The following ASAP2 variants were observed in gnomAD, a reference collection of about 807,000 sequenced individuals.
ASAP2 encodes ArfGAP with SH3 domain, ankyrin repeat and PH domain 2.
ASAP2 carries 45 observed loss-of-function variants against 131.4 expected under a neutral mutation model. That is an observed-to-expected ratio of 0.34 (90% CI 0.27 to 0.44). The LOEUF is 0.44. Ranked by LOEUF, ASAP2 falls within the 20% of genes least tolerant of loss-of-function variation. The pLI, the probability that ASAP2 is intolerant of heterozygous loss-of-function variation, is 1.00. For synonymous variants in ASAP2, 510 were observed against 503.0 expected (o/e 1.01, Z -0.19); for missense variants, 1,011 against 1,297.0 (o/e 0.78, Z 3.39).
chr2:9,279,099 T>G (rs1666952710), intron 1 of ASAP2, among the ~76,000 whole-genome samples: 1 of 152,186 alleles, frequency 6.6e-6, no homozygotes, highest in African/African-American at 2.4e-5. Context: ...GCCAACAAAC[T>G]TCTGCTTAGT....
intron 26 of ASAP2, 118 bp from the exon 27 acceptor site, chr2:9,401,156 G>A: frequency 7.5e-7 from 1 of 1,328,512 alleles, no homozygotes; most frequent in Non-Finnish European, 1.0e-6. Flanking sequence ...GGCATCTGCA[G>A]GCTTCTCAGG....
At chr2:9,367,297 T>C (rs1054462787) in intron 15 of ASAP2, among the ~76,000 whole-genome samples, 1 of 151,592 alleles carries the variant, frequency 6.6e-6, no homozygotes, top group Non-Finnish European at 1.5e-5. Flanking sequence ...CCTCCCAAAG[T>C]GGTAGGAATA....
chr2:9,324,355 C>T (rs1049004367), intron 6 of ASAP2, among the ~76,000 whole-genome samples: 1 of 152,184 alleles, frequency 6.6e-6, no homozygotes. Context: ...TCCATTTTGT[C>T]TAATGTTAGA....
chr2:9,360,355 C>A (rs996880503), intron 15 of ASAP2, among the ~76,000 whole-genome samples: 6 of 152,200 alleles, frequency 3.9e-5, no homozygotes, highest in African/African-American at 1.4e-4. Context: ...TTCAGTATGC[C>A]TAGGGTTATG....
rs547897677 is a variant in ASAP2, at chr2:9,379,053, G to A, written c.1942G>A (p.Glu648Lys). 5.8e-6 allele frequency: 9 copies of A among 1,553,152 alleles called. No individual in the cohort carries two copies. The East Asian group carries it at 7.3e-5, about 13-fold the overall frequency. The change falls in exon 19 of 28, where the codon GAG (glutamate) becomes AAG (lysine). Residue 648 changes from glutamate to lysine, a missense_variant. Physicochemically the swap from Glu to Lys is moderately conservative, Grantham distance 56. Around this residue, in one of 2 missense-constraint regions of ASAP2, gnomAD observed 652 missense variants for 698.9 expected, o/e 0.93. Transcript: ENST00000281419. ...GCTCCTGCGGGGGAAGGCCTCCATC[G>A]AGATAGGTGAGTGGGCCCGGGCCCC... is the stretch of plus-strand genomic sequence containing the variant. ...KLLLRGKASI[E>K]IANESGETPL...
In ASAP2 at chr2:9,281,768, G is replaced by A. The variant is rs76263433; in HGVS notation, c.199+2379G>A. ...GTAATGTGGATTGTGAGTGGTTATCGTTCTTAACCCTTTCCCAATTCATCT... is the reference window on the plus strand; with the variant it reads ...GTAATGTGGATTGTGAGTGGTTATCATTCTTAACCCTTTCCCAATTCATCT... On this transcript the variant is annotated intron_variant, in intron 2 of 27. Transcript: ENST00000281419. This position sits in a 1 kb window ranked among gnomAD's most constrained non-coding sequence, Gnocchi z 4.0. Among the ~76,000 whole-genome samples the A allele has an allele frequency of 1.6e-3, 241 of 152,228 alleles. No individual in the cohort carries two copies. Among genetic ancestry groups the A allele is most frequent in the African/African-American group, 5.4e-3 (223 of 41,534 alleles).
At chr2:9,227,073 C>T (rs1662825286) in intron 1 of ASAP2, among the ~76,000 whole-genome samples, 1 of 152,170 alleles carries the variant, frequency 6.6e-6, no homozygotes, top group African/African-American at 2.4e-5. Context: ...TATTTCAGAT[C>T]CTCCTCTCCT....
At chr2:9,385,412 G>T in intron 21 of ASAP2, 54 bp downstream of exon 21, 1 of 1,357,328 alleles carries the variant, frequency 7.4e-7, no homozygotes, top group South Asian at 1.2e-5. Context: ...ATCCAGAACA[G>T]TGTGGGTCCT....
chr2:9,274,776 C>T (rs571401059), intron 1 of ASAP2, among the ~76,000 whole-genome samples: 1 of 152,112 alleles, frequency 6.6e-6, no homozygotes, highest in Non-Finnish European at 1.5e-5. Flanking sequence ...TTACCTCTTC[C>T]ACCTACCTCA....
intron 2 of ASAP2, 93 bp from the exon 3 acceptor site, chr2:9,297,207 A>G: frequency 2.8e-6 from 4 of 1,450,216 alleles, no homozygotes; most frequent in Non-Finnish European, 3.8e-6. Context: ...TCTTCTGCTG[A>G]TGTGTTCAGT....
intron 1 of ASAP2, among the ~76,000 whole-genome samples, chr2:9,233,613 G>T (rs1418744219): frequency 1.3e-5 from 2 of 152,238 alleles, no homozygotes; most frequent in Non-Finnish European, 2.9e-5. Flanking sequence ...TTTGAAGCCA[G>T]CTGGACCTGG....
intron 1 of ASAP2, among the ~76,000 whole-genome samples, chr2:9,278,977 G>A (rs10192751): frequency 2.6e-5 from 4 of 152,148 alleles, no homozygotes; most frequent in Non-Finnish European, 5.9e-5. Flanking sequence ...CAAGGAGAAC[G>A]GAGGGTTCGG....
rs1298187638 is a variant in ASAP2 at position 9,391,166 on chromosome 2, C to T, written c.2488C>T (p.Pro830Ser). The T allele has an allele frequency of 6.2e-7, 1 of 1,614,142 alleles. No individual in the cohort carries two copies. Among genetic ancestry groups the T allele is most frequent in the Non-Finnish European group, 8.5e-7 (1 of 1,180,020 alleles). Residue 830 changes from proline (P) to serine (S), a missense_variant, in exon 23 of 28, where the codon CCG becomes TCG. Physicochemically the swap from Pro to Ser is moderately conservative, Grantham distance 74 (BLOSUM62 -1). Coordinates refer to ENST00000281419, the MANE Select transcript of ASAP2 (RefSeq NM_003887.3). Reference protein sequence around the residue: ...SSSDPPAVHPPLPPLRVTSTN... With the variant: ...SSSDPPAVHPSLPPLRVTSTN... ...GTCAGATCCGCCAGCTGTCCATCCA[C>T]CGCTGCCCCCTCTTCGCGTGACATC... is the stretch of plus-strand genomic sequence containing the variant.
At chr2:9,231,046 C>T (rs1338538960) in intron 1 of ASAP2, among the ~76,000 whole-genome samples, 5 of 152,172 alleles carry the variant, frequency 3.3e-5, no homozygotes, top group African/African-American at 4.8e-5. Flanking sequence ...GGCTGCTTTG[C>T]GGTTCTATGT....
rs556850636 is a variant in ASAP2 at position 9,244,580 on chromosome 2, C to T, written c.127-34737C>T. Among the ~76,000 whole-genome samples the T allele has an allele frequency of 2.0e-5, 3 of 152,302 alleles. No individual in the cohort carries two copies. In the East Asian group the frequency reaches 5.8e-4, roughly 29 times the overall value. ...GAAGAGCTTGACACAAACTTAAATA[C>T]CAAACTTAGTTCAGAAGCACTTCGC... On this transcript the variant is annotated intron_variant, in intron 1 of 27. Coordinates refer to ENST00000281419, the MANE Select transcript of ASAP2 (RefSeq NM_003887.3).
chr2:9,279,181 C>A (rs1225622524), intron 1 of ASAP2, 136 bp from the exon 2 acceptor site: 2 of 753,818 alleles, frequency 2.7e-6, no homozygotes, highest in Non-Finnish European at 4.6e-6. Flanking sequence ...AGGGACCTGG[C>A]AGAGGAGGCT....
At chr2:9,368,784 T>C (rs1673686724) in intron 16 of ASAP2, among the ~76,000 whole-genome samples, 1 of 152,060 alleles carries the variant, frequency 6.6e-6, no homozygotes, top group East Asian at 1.9e-4. Flanking sequence ...TCGCCACTGG[T>C]GGGTGGAAGA....
chr2:9,335,289 T>A, intron 9 of ASAP2, 110 bp downstream of exon 9: 1 of 882,132 alleles, frequency 1.1e-6, no homozygotes, highest in South Asian at 1.4e-5. Flanking sequence ...TCACTCGGGC[T>A]GTGTCAGGCA....
intron 11 of ASAP2, 107 bp from the exon 12 acceptor site, chr2:9,350,701 T>A: frequency 1.1e-6 from 1 of 906,000 alleles, no homozygotes; most frequent in Non-Finnish European, 1.6e-6. Flanking sequence ...CTTTGCAAAC[T>A]AGTGAAGAGC....
Sources: gnomAD v4.1 joint callset for allele counts (sites outside exome capture counted in the v4.1 genomes callset) on GRCh38, gnomAD v4.1.1 for gene constraint, gnomAD v4.1.1 regional missense constraint, Gnocchi (gnomAD v3.1) non-coding constraint, MANE v1.5 for transcripts, NCBI Gene and HGNC (gene_info 2026-07-23, HGNC 2026-07-21) for gene names.